MCPH1: variants seen among roughly 807,000 people sequenced by gnomAD.
The protein encoded by MCPH1 is microcephalin.
Under a neutral mutation model 84.5 loss-of-function variants are expected in MCPH1, and 104 were observed. The observed-to-expected ratio is 1.23, with a 90% CI of 1.05 to 1.45. The LOEUF (loss-of-function observed/expected upper bound fraction) is 1.45. MCPH1 is among the 40% of genes most tolerant of loss of function. MCPH1 has a pLI of 0.00. For missense variants in MCPH1, 1,498 were observed against 1,005.7 expected, an observed-to-expected ratio of 1.49 and a Z score of -6.62; for synonymous variants, 514 against 366.8, an observed-to-expected ratio of 1.40 and a Z score of -4.58.
At chr8:6,430,063 T>A (rs1801618205) in intron 3 of MCPH1, among the ~76,000 whole-genome samples, 1 of 152,220 alleles carries the variant, frequency 6.6e-6, no homozygotes, top group African/African-American at 2.4e-5. Flanking sequence ...ATGCTCTGCT[T>A]CCAGATGGAA....
chr8:6,492,996 C>T (rs190614010), intron 11 of MCPH1, among the ~76,000 whole-genome samples: 1 of 152,052 alleles, frequency 6.6e-6, no homozygotes, highest in Non-Finnish European at 1.5e-5. Context: ...TCTTAGTAGC[C>T]ATAATATTTG....
At chr8:6,441,623 C>T (rs1489127851) in intron 6 of MCPH1, among the ~76,000 whole-genome samples, 6 of 152,182 alleles carry the variant, frequency 3.9e-5, no homozygotes, top group African/African-American at 1.4e-4. Flanking sequence ...CTGGGTAATT[C>T]TTTGTTGGGG....
At chr8:6,565,215 A>G (rs1020091076) in intron 12 of MCPH1, among the ~76,000 whole-genome samples, 5 of 152,170 alleles carry the variant, frequency 3.3e-5, no homozygotes, top group Non-Finnish European at 5.9e-5. Context: ...TTTAGGATTA[A>G]GATATAATTG....
chr8:6,476,183 C>A (rs1349106345), intron 9 of MCPH1, among the ~76,000 whole-genome samples: 1 of 152,044 alleles, frequency 6.6e-6, no homozygotes, highest in Admixed American at 6.5e-5. Flanking sequence ...AATCCCAGCA[C>A]TTTGGGAGGC....
chr8:6,494,837 A>T (rs1031309), intron 11 of MCPH1, among the ~76,000 whole-genome samples: 5 of 152,124 alleles, frequency 3.3e-5, no homozygotes, highest in East Asian at 3.9e-4. Context: ...CTGGTTGCAC[A>T]GCATCATGAT....
chr8:6,562,514 C>T (rs1246849987), intron 12 of MCPH1: 1 of 775,750 alleles, frequency 1.3e-6, no homozygotes, highest in Non-Finnish European at 1.8e-6. Flanking sequence ...AGGGTACCAG[C>T]AACCCGCTCT....
intron 12 of MCPH1, among the ~76,000 whole-genome samples, chr8:6,564,814 C>G (rs1057224989): frequency 3.9e-5 from 6 of 152,312 alleles, no homozygotes; most frequent in Admixed American, 6.5e-5. Flanking sequence ...ATACTCAGAA[C>G]TACATTTTTA....
rs1024482729 is a variant in MCPH1 at position 6,455,328 on chromosome 8, A to G, written c.1935+76A>G. 50 of 1,040,262 alleles carry G rather than the reference A, an allele frequency of 4.8e-5. No individual in the cohort carries two copies. The Admixed American group carries it at 8.8e-4, about 18-fold the overall frequency. The allele number at this position is 1,040,262 out of a possible 1,614,324, so 64.4% of individuals were successfully genotyped here. A position where few individuals can be genotyped will look rare whatever the true frequency, so the allele number is the denominator to read the frequency against. On this transcript the variant is annotated intron_variant, in intron 9 of 13. Transcript: ENST00000344683. ...ATGTTCTTCTCTGGGTCAATGAAAC[A>G]TAAACCAGTCTATCTGACTTGTCTT... is the stretch of plus-strand genomic sequence containing the variant.
At chr8:6,591,875 G>A (rs1393432655) in intron 12 of MCPH1, among the ~76,000 whole-genome samples, 1 of 152,138 alleles carries the variant, frequency 6.6e-6, no homozygotes, top group East Asian at 1.9e-4. Context: ...CTATCTATAT[G>A]TAGTAGGTAT....
Position 6,519,935 on chromosome 8 carries a change from C to T in MCPH1, c.2214+20006C>T, listed in dbSNP as rs766039126. On this transcript the variant is annotated intron_variant, in intron 12 of 13. Coordinates refer to ENST00000344683, the MANE Select transcript of MCPH1 (RefSeq NM_024596.5). ...TTCGTGGTGTGTCCTGATTTGAATACTTCAGCACAGTCTCTGAAGCTGATT... is the reference window on the plus strand; with the variant it reads ...TTCGTGGTGTGTCCTGATTTGAATATTTCAGCACAGTCTCTGAAGCTGATT... 1.2e-6 allele frequency: 2 copies of T among 1,614,118 alleles called. No homozygotes were observed. The highest frequency in any genetic ancestry group is 4.5e-5 in the East Asian group (2 of 44,884).
At chr8:6,419,394 A>T (rs2440434) in intron 3 of MCPH1, among the ~76,000 whole-genome samples, 146,308 of 151,232 alleles carry the variant, frequency 0.97, 70,957 homozygotes, top group South Asian at 1. Context: ...CCATTAAAAA[A>T]TTTTTTTTTT....
chr8:6,638,094 A>C (rs1797686661), intron 13 of MCPH1, among the ~76,000 whole-genome samples: 1 of 152,142 alleles, frequency 6.6e-6, no homozygotes, highest in African/African-American at 2.4e-5. Flanking sequence ...GAAAGAGGAC[A>C]CATGTGATAT....
chr8:6,424,032 C>CAGTA (rs1414527095), intron 3 of MCPH1, among the ~76,000 whole-genome samples: 1 of 152,148 alleles, frequency 6.6e-6, no homozygotes, highest in Non-Finnish European at 1.5e-5. Flanking sequence ...CTTTCCAATG[C>CAGTA]AGTAGCTCAT....
intron 11 of MCPH1, among the ~76,000 whole-genome samples, chr8:6,489,729 G>C (rs995455758): frequency 1.3e-5 from 2 of 152,160 alleles, no homozygotes. Context: ...GAGCCTTCTC[G>C]TGTTGCCAAC....
intron 8 of MCPH1, among the ~76,000 whole-genome samples, chr8:6,448,482 T>C (rs186630915): frequency 2.4e-4 from 37 of 152,294 alleles, no homozygotes; most frequent in Non-Finnish European, 4.4e-4. Flanking sequence ...TGAGAAGCCA[T>C]TGGGGCTTTT....
At chr8:6,466,822 C>T (rs1807038115) in intron 9 of MCPH1, among the ~76,000 whole-genome samples, 1 of 152,172 alleles carries the variant, frequency 6.6e-6, no homozygotes, top group South Asian at 2.1e-4. Context: ...GTGTTCCGCC[C>T]ACCTTGGCCT....
At chr8:6,543,491 C>T (rs577302135) in intron 12 of MCPH1, among the ~76,000 whole-genome samples, 29 of 152,284 alleles carry the variant, frequency 1.9e-4, no homozygotes, top group East Asian at 3.9e-4. Flanking sequence ...GGGCAATGTG[C>T]GTGGGTCGTG....
intron 13 of MCPH1, among the ~76,000 whole-genome samples, chr8:6,633,911 T>A (rs1206308033): frequency 6.6e-6 from 1 of 152,132 alleles, no homozygotes; most frequent in African/African-American, 2.4e-5. Context: ...TTTATGTTTA[T>A]CAATAGCACA....
At chr8:6,465,804 C>T (rs1439819124) in intron 9 of MCPH1, among the ~76,000 whole-genome samples, 2 of 152,176 alleles carry the variant, frequency 1.3e-5, no homozygotes, top group African/African-American at 4.8e-5. Flanking sequence ...CACAGAAATG[C>T]ACAGCTGTAC....
Sources: allele counts gnomAD v4.1 joint callset (sites outside exome capture counted in the v4.1 genomes callset), GRCh38; gene constraint gnomAD v4.1.1; transcripts MANE v1.5; gene names NCBI Gene and HGNC (gene_info 2026-07-23, HGNC 2026-07-21).